ANGPT2: variants seen among roughly 807,000 people sequenced by gnomAD.
ANGPT2 encodes angiopoietin-2.
A neutral mutation model predicts 62.9 loss-of-function variants in ANGPT2; 28 were observed. That is an observed-to-expected ratio of 0.44 (90% CI 0.33 to 0.61). The LOEUF (loss-of-function observed/expected upper bound fraction) is 0.61. ANGPT2 is among the 20% of genes least tolerant of loss of function. The pLI, the probability that ANGPT2 is intolerant of heterozygous loss-of-function variation, is 0.03. For missense variants in ANGPT2, 727 were observed against 594.9 expected, an observed-to-expected ratio of 1.22 and a Z score of -2.31; for synonymous variants, 284 against 207.8, an observed-to-expected ratio of 1.37 and a Z score of -3.15.
In ANGPT2 at chr8:6,538,325, G is replaced by T. The variant is rs75951406; in HGVS notation, c.289-5838C>A. 6.4e-4 allele frequency among the ~76,000 whole-genome samples: 98 copies of T among 152,262 alleles called. No individual in the cohort carries two copies. In the East Asian group the frequency reaches 0.018, roughly 28 times the overall value. On this transcript the variant is annotated intron_variant, in intron 1 of 8. Coordinates refer to ENST00000629816, the MANE Select transcript of ANGPT2 (RefSeq NM_001118887.2). ...CCCCATGATCCCATCTTCCCGCCCA[G>T]GGTCCACTGTCCTCTCTGTCTCTTG...
chr8:6,523,710 C>T (rs968124778), intron 3 of ANGPT2, among the ~76,000 whole-genome samples: 10 of 152,124 alleles, frequency 6.6e-5, no homozygotes, highest in African/African-American at 2.2e-4. Flanking sequence ...CTGCCTCAGC[C>T]TCCTGAGTAG....
At chr8:6,560,727 C>T (rs570264804) in intron 1 of ANGPT2, among the ~76,000 whole-genome samples, 125 of 152,284 alleles carry the variant, frequency 8.2e-4, no homozygotes, top group Admixed American at 2.9e-3. Context: ...AAATTTTGGT[C>T]GCCTAACATA....
At chr8:6,525,432 A>G (rs2515459) in intron 3 of ANGPT2, among the ~76,000 whole-genome samples, 12,296 of 152,168 alleles carry the variant, frequency 0.081, 641 homozygotes, top group African/African-American at 0.14. Flanking sequence ...TTCTCATTAT[A>G]TTGCCCTGGC....
chr8:6,533,607 T>C (rs1190539840), intron 1 of ANGPT2, among the ~76,000 whole-genome samples: 1 of 147,186 alleles, frequency 6.8e-6, no homozygotes, highest in Non-Finnish European at 1.5e-5. Context: ...AATCTAATGA[T>C]GGGAACCATT....
intron 7 of ANGPT2, among the ~76,000 whole-genome samples, chr8:6,513,301 C>A (rs751957659): frequency 6.6e-6 from 1 of 151,756 alleles, no homozygotes; most frequent in African/African-American, 2.4e-5. Context: ...AGTCACCCAG[C>A]AAACCTTTTA....
rs1358380583 is a variant in ANGPT2, at chr8:6,501,713, G to A, written c.*1388C>T. 6.6e-5 allele frequency: 10 copies of A among 151,894 alleles called. No individual in the cohort carries two copies. The highest frequency in any genetic ancestry group is 9.7e-5 in the African/African-American group (4 of 41,422). The allele number at this position is 151,894 out of a possible 1,614,324, so 9.4% of individuals were successfully genotyped here. A position where few individuals can be genotyped will look rare whatever the true frequency, so the allele number is the denominator to read the frequency against. On this transcript the variant is annotated 3_prime_UTR_variant, in exon 9 of 9. Transcript: ENST00000629816. ...TGGGATTACAGGTGCCCGCCAGCACGCCTGGCTAATTTTTGTATTATTTAG... is the reference window on the plus strand; with the variant it reads ...TGGGATTACAGGTGCCCGCCAGCACACCTGGCTAATTTTTGTATTATTTAG...
In ANGPT2 at chr8:6,502,362, A is replaced by T. The variant is rs1272296532; in HGVS notation, c.*739T>A. On this transcript the variant is annotated 3_prime_UTR_variant, in exon 9 of 9. Coordinates refer to ENST00000629816, the MANE Select transcript of ANGPT2 (RefSeq NM_001118887.2). ...ATTTAACAATCAGGCAGAAAAAAAT[A>T]GTACGGTCTGCATATAAACTAAAAT... 1 of 152,230 alleles carries T rather than the reference A, an allele frequency of 6.6e-6. No homozygotes were observed. Among genetic ancestry groups the T allele is most frequent in the Admixed American group, 6.5e-5 (1 of 15,290 alleles). The allele number at this position is 152,230 out of a possible 1,614,324, so 9.4% of individuals were successfully genotyped here.
intron 1 of ANGPT2, among the ~76,000 whole-genome samples, chr8:6,535,011 T>TA (rs1193896919): frequency 2.0e-5 from 3 of 152,200 alleles, no homozygotes; most frequent in Admixed American, 2.0e-4. Context: ...AGATAATATT[T>TA]AAAAAGTTTC....
At position 6,562,975 on chromosome 8, in the gene ANGPT2, G is replaced by T; in HGVS notation, c.-41C>A. The T allele has an allele frequency of 6.5e-7, 1 of 1,547,586 alleles. No individual in the cohort carries two copies. The highest frequency in any genetic ancestry group is 8.8e-7 in the Non-Finnish European group (1 of 1,139,582). On this transcript the variant is annotated 5_prime_UTR_variant, in exon 1 of 9. Coordinates refer to ENST00000629816, the MANE Select transcript of ANGPT2 (RefSeq NM_001118887.2). The stretch of plus-strand genomic sequence containing the variant: ...AAACCAGCAGCTTAGCAAACTTGAG[G>T]GCAAACACACGTCCAGAGTCCCGAG...
Position 6,527,609 on chromosome 8 carries a change from T to C in ANGPT2, c.512A>G (p.Glu171Gly). The change falls in exon 3 of 9, where the codon GAA becomes GGA. Residue 171 changes from glutamate (E) to glycine (G), a missense_variant. Transcript: ENST00000629816. ...LEHSLSTNKL[E>G]KQILDQTSEI... is the part of the protein sequence containing the mutation. The stretch of plus-strand genomic sequence containing the variant: ...ACTGGTCTGGTCCAAAATCTGTTTT[T>C]CCAATTTGTTTGTCGAGAGGGAGTG... 1 of 1,614,112 alleles carries C rather than the reference T, an allele frequency of 6.2e-7. No homozygotes were observed. The highest frequency in any genetic ancestry group is 2.2e-5 in the East Asian group (1 of 44,876).
chr8:6,558,399 GT>G (rs1393574833), intron 1 of ANGPT2, among the ~76,000 whole-genome samples: 1 of 152,130 alleles, frequency 6.6e-6, no homozygotes, highest in East Asian at 1.9e-4. Flanking sequence ...TGGCGGTAGA[GT>G]TGATTTGAAC....
In ANGPT2 at chr8:6,562,820, C is replaced by A; in HGVS notation, c.115G>T (p.Gly39Trp). 1 of 1,613,930 alleles carries A rather than the reference C, an allele frequency of 6.2e-7. No individual in the cohort carries two copies. Among genetic ancestry groups the A allele is most frequent in the Non-Finnish European group, 8.5e-7 (1 of 1,179,982 alleles). ...AGGAGGAAAGTGTAGCTGCAGGACC[C>A]ATGCTGGACCTGATATTGCTTCTTT... ...IGKKQYQVQH[G>W]SCSYTFLLPE... The change falls in exon 1 of 9, where the codon GGG (glycine) becomes TGG (tryptophan). Residue 39 changes from glycine to tryptophan, a missense_variant. Gly to Trp is a radical substitution (Grantham distance 184). Coordinates refer to ENST00000629816, the MANE Select transcript of ANGPT2 (RefSeq NM_001118887.2).
intron 1 of ANGPT2, 69 bp downstream of exon 1, chr8:6,562,578 T>TTTTTTTTTTTTA: frequency 6.8e-6 from 6 of 880,186 alleles, no homozygotes; most frequent in African/African-American, 1.8e-5. Context: ...TTTTGGTTGT[T>TTTTTTTTTTTTA]AAAACCTGAG....
chr8:6,535,892 CA>C (rs373792367), intron 1 of ANGPT2, among the ~76,000 whole-genome samples: 12,037 of 130,662 alleles, frequency 0.092, 595 homozygotes, highest in African/African-American at 0.16. Flanking sequence ...ACAAAAAATA[CA>C]AAAAAAAAAA....
rs1812338756 is a variant in ANGPT2 at position 6,502,298 on chromosome 8, C to A, written c.*803G>T. 1 of 151,762 alleles carries A rather than the reference C, an allele frequency of 6.6e-6. No individual in the cohort carries two copies. Among genetic ancestry groups the A allele is most frequent in the Admixed American group, 6.6e-5 (1 of 15,248 alleles). The allele number at this position is 151,762 out of a possible 1,614,324, so 9.4% of individuals were successfully genotyped here. ...CATAAAAGTTAAACATAGGCATATC[C>A]CCTAATAAGTTATATTTAATTACTA... On this transcript the variant is annotated 3_prime_UTR_variant, in exon 9 of 9. Transcript: ENST00000629816.
chr8:6,509,010 G>T lies in ANGPT2; in HGVS notation c.1249C>A (p.Gln417Lys). ...TTTGTGCTAAAATCATTTCCTGGTT[G>T]GCTGATGCTGCTTATTTTGCCGGCT... ...GTAGKISSISQPGNDFSTKDG... is the reference protein window; with the variant it reads ...GTAGKISSISKPGNDFSTKDG... Residue 417 changes from glutamine (Q) to lysine (K), a missense_variant, in exon 8 of 9, where the codon CAA becomes AAA. Physicochemically the swap from Gln to Lys is moderately conservative, Grantham distance 53. Transcript: ENST00000629816. 2 of 1,614,088 alleles carry T rather than the reference G, an allele frequency of 1.2e-6. No homozygotes were observed. The highest frequency in any genetic ancestry group is 1.7e-6 in the Non-Finnish European group (2 of 1,180,014).
chr8:6,554,327 G>C (rs1824206456), intron 1 of ANGPT2, among the ~76,000 whole-genome samples: 1 of 151,588 alleles, frequency 6.6e-6, no homozygotes, highest in African/African-American at 2.4e-5. Flanking sequence ...AAATGGAAAG[G>C]CTGGCTGCTT....
Position 6,503,077 on chromosome 8 carries a change from A to T in ANGPT2, c.*24T>A, listed in dbSNP as rs1389303714. The T allele has an allele frequency of 6.2e-7, 1 of 1,613,914 alleles. No individual in the cohort carries two copies. On this transcript the variant is annotated 3_prime_UTR_variant, in exon 9 of 9. Coordinates refer to ENST00000629816, the MANE Select transcript of ANGPT2 (RefSeq NM_001118887.2). The stretch of plus-strand genomic sequence containing the variant: ...TAAGTCTTTGAAAATAGTTCGAGAC[A>T]GTTCCTCAGGTGGACTGGGATGTTT...
rs1305896520 is a variant in ANGPT2 at position 6,562,817 on chromosome 8, A to C, written c.118T>G (p.Ser40Ala). ...GGCAGGAGGAAAGTGTAGCTGCAGG[A>C]CCCATGCTGGACCTGATATTGCTTC... ...GKKQYQVQHG[S>A]CSYTFLLPEM... is the part of the protein sequence containing the mutation. Residue 40 changes from serine to alanine, a missense_variant, in exon 1 of 9, where the codon TCC (serine) becomes GCC (alanine). Transcript: ENST00000629816. 1.2e-6 allele frequency: 2 copies of C among 1,612,946 alleles called. No homozygotes were observed. The highest frequency in any genetic ancestry group is 3.3e-5 in the Admixed American group (2 of 59,906).
Sources: gnomAD v4.1 joint callset for allele counts (sites outside exome capture counted in the v4.1 genomes callset) on GRCh38, gnomAD v4.1.1 for gene constraint, MANE v1.5 for transcripts, NCBI Gene and HGNC (gene_info 2026-07-23, HGNC 2026-07-21) for gene names.